The following ANKS1B variants were observed in gnomAD, a reference collection of about 807,000 sequenced individuals.
ANKS1B encodes the protein ankyrin repeat and sterile alpha motif domain-containing protein 1B.
A neutral mutation model predicts 148.3 loss-of-function variants in ANKS1B; 36 were observed. That is an observed-to-expected ratio of 0.24 (90% CI 0.19 to 0.32). The LOEUF (loss-of-function observed/expected upper bound fraction) is 0.32, where lower values mean the gene tolerates loss of function less well. ANKS1B is among the 10% of genes least tolerant of loss of function. The probability of loss-of-function intolerance (pLI) is 1.00; values close to 1 mark genes in which losing one functional copy is unlikely to be tolerated. For missense variants in ANKS1B, 1,157 were observed against 1,542.6 expected, an observed-to-expected ratio of 0.75 and a Z score of 4.19; for synonymous variants, 542 against 560.8, an observed-to-expected ratio of 0.97 and a Z score of 0.47.
intron 12 of ANKS1B, among the ~76,000 whole-genome samples, chr12:99,294,820 A>ATT (rs2080614700): frequency 6.6e-6 from 1 of 152,040 alleles, no homozygotes; most frequent in Non-Finnish European, 1.5e-5. Flanking sequence ...CGCCCGGCTA[A>ATT]TTTTGTATTT....
At chr12:99,357,759 G>A (rs1273682360) in intron 12 of ANKS1B, among the ~76,000 whole-genome samples, 2 of 152,002 alleles carry the variant, frequency 1.3e-5, no homozygotes, top group African/African-American at 4.8e-5. Context: ...CACATTACTA[G>A]TTGAAAGAGT....
At chr12:99,820,549 G>T (rs1197779525) in intron 2 of ANKS1B, among the ~76,000 whole-genome samples, 1 of 151,960 alleles carries the variant, frequency 6.6e-6, no homozygotes, top group African/African-American at 2.4e-5. Context: ...GAAATGATGT[G>T]TTTCTGTGCA....
intron 9 of ANKS1B, among the ~76,000 whole-genome samples, chr12:99,652,359 G>C (rs1015092495): frequency 6.6e-6 from 1 of 151,972 alleles, no homozygotes; most frequent in Non-Finnish European, 1.5e-5. Context: ...TGTAATCCCA[G>C]CTACTCAGGA....
At chr12:99,371,244 G>A (rs2093116706) in intron 12 of ANKS1B, among the ~76,000 whole-genome samples, 1 of 151,952 alleles carries the variant, frequency 6.6e-6, no homozygotes, top group African/African-American at 2.4e-5. Context: ...AATTGTCCTT[G>A]TCTAGGTAGC....
intron 8 of ANKS1B, among the ~76,000 whole-genome samples, chr12:99,756,652 C>T (rs2061596678): frequency 6.6e-6 from 1 of 152,006 alleles, no homozygotes; most frequent in African/African-American, 2.4e-5. Context: ...AAGCTGGAGG[C>T]ATCATGCTAC....
At chr12:99,362,393 T>C (rs2092534301) in intron 12 of ANKS1B, among the ~76,000 whole-genome samples, 1 of 152,002 alleles carries the variant, frequency 6.6e-6, no homozygotes, top group African/African-American at 2.4e-5. Flanking sequence ...ACTTTATAGA[T>C]AAGGCAACTG....
At chr12:99,148,528 T>C (rs1418586085) in intron 15 of ANKS1B, among the ~76,000 whole-genome samples, 1 of 152,082 alleles carries the variant, frequency 6.6e-6, no homozygotes, top group African/African-American at 2.4e-5. Context: ...TAATGGGATA[T>C]ACAAGAACAA....
At chr12:99,733,769 G>A (rs999534753) in intron 8 of ANKS1B, among the ~76,000 whole-genome samples, 2 of 151,928 alleles carry the variant, frequency 1.3e-5, no homozygotes, top group Admixed American at 6.5e-5. Context: ...CTTCTAGTTG[G>A]GGTGTTAAAT....
chr12:99,194,716 T>C (rs2081179435), intron 14 of ANKS1B, among the ~76,000 whole-genome samples: 1 of 152,172 alleles, frequency 6.6e-6, no homozygotes, highest in Non-Finnish European at 1.5e-5. Flanking sequence ...CAATTATTGT[T>C]TGATATTCCA....
chr12:99,683,139 A>G (rs532473206), intron 8 of ANKS1B, among the ~76,000 whole-genome samples: 1 of 152,258 alleles, frequency 6.6e-6, no homozygotes, highest in East Asian at 1.9e-4. Flanking sequence ...CCATTATTCA[A>G]TTATCACCTA....
chr12:99,299,071 T>TC (rs1329642671), intron 12 of ANKS1B, among the ~76,000 whole-genome samples: 3 of 152,018 alleles, frequency 2.0e-5, no homozygotes, highest in Non-Finnish European at 4.4e-5. Context: ...CTTTTTTTTT[T>TC]TTTGAGATAG....
intron 9 of ANKS1B, among the ~76,000 whole-genome samples, chr12:99,604,484 A>T (rs2097834323): frequency 6.6e-6 from 1 of 152,076 alleles, no homozygotes; most frequent in Non-Finnish European, 1.5e-5. Flanking sequence ...TTGGTTAAAT[A>T]TTATCTTGGA....
intron 9 of ANKS1B, among the ~76,000 whole-genome samples, chr12:99,581,897 CAAA>C (rs369048602): frequency 1.6e-5 from 1 of 60,748 alleles, no homozygotes; most frequent in Admixed American, 1.7e-4. Context: ...GACTCCGTCT[CAAA>C]AAAAAAAAAA....
intron 1 of ANKS1B, among the ~76,000 whole-genome samples, chr12:99,979,844 T>C (rs2095672369): frequency 6.6e-6 from 1 of 152,008 alleles, no homozygotes; most frequent in Admixed American, 6.6e-5. Flanking sequence ...CTGGTAGAAA[T>C]ACCATGAGTA....
At chr12:99,908,842 T>C (rs1004749220) in intron 1 of ANKS1B, among the ~76,000 whole-genome samples, 1 of 152,318 alleles carries the variant, frequency 6.6e-6, no homozygotes, top group Non-Finnish European at 1.5e-5. Context: ...CTCAGATACC[T>C]TTTTTCCCCC....
chr12:99,689,348 G>C (rs1471957847), intron 8 of ANKS1B, among the ~76,000 whole-genome samples: 1 of 152,170 alleles, frequency 6.6e-6, no homozygotes, highest in East Asian at 1.9e-4. Context: ...ACCAGGCAGA[G>C]GGATCAAATA....
chr12:99,764,551 T>C (rs1364440910), intron 8 of ANKS1B, among the ~76,000 whole-genome samples: 1 of 152,092 alleles, frequency 6.6e-6, no homozygotes, highest in Non-Finnish European at 1.5e-5. Flanking sequence ...GCCTCCTGAG[T>C]AGCTGGGATG....
intron 22 of ANKS1B, among the ~76,000 whole-genome samples, chr12:98,793,570 T>C (rs1276864108): frequency 6.6e-6 from 1 of 152,178 alleles, no homozygotes; most frequent in Non-Finnish European, 1.5e-5. Flanking sequence ...GAGAAAATAT[T>C]TGCAAGCTAT....
intron 8 of ANKS1B, among the ~76,000 whole-genome samples, chr12:99,684,626 A>G (rs1166452952): frequency 6.6e-6 from 1 of 152,082 alleles, no homozygotes; most frequent in African/African-American, 2.4e-5. Context: ...CCAGAGCAAG[A>G]CTACTCCAAA....
Sources: allele counts gnomAD v4.1 joint callset (sites outside exome capture counted in the v4.1 genomes callset), GRCh38; gene constraint gnomAD v4.1.1; transcripts MANE v1.5; gene names NCBI Gene and HGNC (gene_info 2026-07-23, HGNC 2026-07-21).